The following UBR4 variants were observed in gnomAD, a reference collection of about 807,000 sequenced individuals.
UBR4 encodes the protein ubiquitin protein ligase E3 component n-recognin 4.
In UBR4, 124 loss-of-function variants were observed where a neutral mutation model predicts 575.6. The observed-to-expected ratio is 0.22, with a 90% CI of 0.19 to 0.25. The LOEUF (loss-of-function observed/expected upper bound fraction) is 0.25, where lower values mean the gene tolerates loss of function less well. Ranked by LOEUF, UBR4 falls within the 10% of genes least tolerant of loss-of-function variation. The probability of loss-of-function intolerance (pLI) is 1.00; values close to 1 mark genes in which losing one functional copy is unlikely to be tolerated. For missense variants in UBR4, 4,818 were observed against 6,478.8 expected, an observed-to-expected ratio of 0.74 and a Z score of 8.80; for synonymous variants, 2,455 against 2,473.7, an observed-to-expected ratio of 0.99 and a Z score of 0.22.
At chr1:19,135,668 C>T (rs762265680) in intron 60 of UBR4, among the ~76,000 whole-genome samples, 1 of 151,806 alleles carries the variant, frequency 6.6e-6, no homozygotes, top group East Asian at 1.9e-4. Context: ...TAATTAAGCA[C>T]AAGAAACACA....
At chr1:19,199,860 C>T in intron 2 of UBR4, 106 bp from the exon 3 acceptor site, 1 of 1,090,300 alleles carries the variant, frequency 9.2e-7, no homozygotes. Context: ...AATATCGTAA[C>T]AATTATTCAG....
intron 96 of UBR4, 63 bp from the exon 97 acceptor site, chr1:19,092,981 G>A: frequency 1.4e-6 from 2 of 1,457,182 alleles, no homozygotes; most frequent in South Asian, 1.2e-5. Flanking sequence ...GAAACCAGTT[G>A]TTGACTCTGG....
chr1:19,153,814 T>G lies in UBR4; in HGVS notation c.6584A>C (p.Asp2195Ala). The change falls in exon 45 of 106, where the codon GAC (aspartate) becomes GCC (alanine). Residue 2195 changes from aspartate to alanine, a missense_variant. By Grantham distance (126) the Asp-to-Ala change is moderately radical (BLOSUM62 -2). Transcript: ENST00000375254. The surrounding 1 kb of genome is among the most constrained non-coding windows in gnomAD (Gnocchi z 4.1). ...GVPLVVMVKP[D>A]TFLIQEIKTL... Reference sequence around the variant, plus strand: ...CTTAATCTCCTGGATAAGAAAAGTGTCTGGTTTCACCATAACTACCAGCGG... The same window carrying G: ...CTTAATCTCCTGGATAAGAAAAGTGGCTGGTTTCACCATAACTACCAGCGG... 1 of 1,614,202 alleles carries G rather than the reference T, an allele frequency of 6.2e-7. No individual in the cohort carries two copies. Among genetic ancestry groups the G allele is most frequent in the Non-Finnish European group, 8.5e-7 (1 of 1,180,024 alleles).
chr1:19,194,866 G>A (rs895666070), intron 8 of UBR4, among the ~76,000 whole-genome samples: 1 of 151,762 alleles, frequency 6.6e-6, no homozygotes, highest in Non-Finnish European at 1.5e-5. Flanking sequence ...AGGCACAGTC[G>A]ACTCCAGAGG....
rs970839179 is a variant in UBR4 at position 19,139,921 on chromosome 1, G to A, written c.8594-701C>T. Among the ~76,000 whole-genome samples, 33 of 152,076 alleles carry A rather than the reference G, an allele frequency of 2.2e-4. No homozygotes were observed. Among genetic ancestry groups the A allele is most frequent in the African/African-American group, 7.5e-4 (31 of 41,394 alleles). ...AATGCTGGATGAGATACATGGGGGA[G>A]GAAAGCCAAGACAGCCACAGAGCAC... On this transcript the variant is annotated intron_variant, in intron 58 of 105. Transcript: ENST00000375254. The surrounding 1 kb of genome is among the most constrained non-coding windows in gnomAD (Gnocchi z 4.2).
chr1:19,197,006 T>G, intron 8 of UBR4, 135 bp downstream of exon 8: 1 of 1,077,820 alleles, frequency 9.3e-7, no homozygotes, highest in Non-Finnish European at 1.3e-6. Context: ...CATTTCACCT[T>G]GATGCGACGT....
Position 19,126,485 on chromosome 1 carries a change from T to C in UBR4, c.9399A>G (p.Pro3133=). The part of the protein sequence containing the change: ...QLLKPHTTSS[P]PDMSPFFLRQ... ...GGAGAAAGAATGGGCTCATGTCAGG[T>C]GGGGAGGAGGTAGTATGTGGTTTCA... Residue 3133 remains proline, a synonymous_variant, in exon 64 of 106, where the codon CCA becomes CCG. Coordinates refer to ENST00000375254, the MANE Select transcript of UBR4 (RefSeq NM_020765.3). The C allele has an allele frequency of 6.2e-7, 1 of 1,614,058 alleles. No individual in the cohort carries two copies. Among genetic ancestry groups the C allele is most frequent in the South Asian group, 1.1e-5 (1 of 91,072 alleles).
chr1:19,192,437 G>C, intron 10 of UBR4, 44 bp downstream of exon 10: 1 of 1,614,078 alleles, frequency 6.2e-7, no homozygotes, highest in South Asian at 1.1e-5. Context: ...ATCTCAGAGA[G>C]GACAAGATAG....
intron 11 of UBR4, among the ~76,000 whole-genome samples, 153 bp from the exon 12 acceptor site, chr1:19,187,693 T>C (rs1210839366): frequency 1.3e-5 from 2 of 152,142 alleles, no homozygotes; most frequent in Non-Finnish European, 2.9e-5. Flanking sequence ...TACATCTGCA[T>C]ATAATTTCTG....
At chr1:19,130,474 C>T (rs1340562242) in intron 60 of UBR4, among the ~76,000 whole-genome samples, 1 of 152,160 alleles carries the variant, frequency 6.6e-6, no homozygotes, top group Non-Finnish European at 1.5e-5. Context: ...CATGATCATG[C>T]CACTGCACTC....
In UBR4 at chr1:19,157,899, A is replaced by G. The variant is rs909812843; in HGVS notation, c.5676T>C (p.His1892=). 1.2e-5 allele frequency: 19 copies of G among 1,614,122 alleles called. No individual in the cohort carries two copies. In the East Asian group the frequency reaches 3.8e-4, roughly 32 times the overall value. Residue 1892 remains histidine (H), a synonymous_variant, in exon 40 of 106, where the codon CAT becomes CAC. Transcript: ENST00000375254. The surrounding 1 kb of genome is among the most constrained non-coding windows in gnomAD (Gnocchi z 4.4). ...CACACATAGCCACCCGCCTGAGCACATGAGCACTGATCAGCTGCCGGATGG... is the reference window on the plus strand; with the variant it reads ...CACACATAGCCACCCGCCTGAGCACGTGAGCACTGATCAGCTGCCGGATGG... ...GQTIRQLISA[H]VLRRVAMCVL... is the part of the protein sequence containing the mutation.
At chr1:19,120,392 G>T in intron 68 of UBR4, 44 bp from the exon 69 acceptor site, 1 of 1,596,440 alleles carries the variant, frequency 6.3e-7, no homozygotes. Context: ...GTAGGAAGAA[G>T]TCCTCCAGGG....
chr1:19,198,071 G>A (rs1224044070), intron 5 of UBR4, 22 bp from the exon 6 acceptor site: 10 of 1,606,812 alleles, frequency 6.2e-6, no homozygotes, highest in Non-Finnish European at 8.5e-6. Context: ...CATAAGGCCT[G>A]TCAAGATACT....
In UBR4 at chr1:19,210,180, C is replaced by G. The variant is rs1406001282; in HGVS notation, c.69G>C (p.Ala23=). The G allele has an allele frequency of 6.6e-7, 1 of 1,507,746 alleles. No individual in the cohort carries two copies. The highest frequency in any genetic ancestry group is 8.8e-7 in the Non-Finnish European group (1 of 1,134,256). The allele number at this position is 1,507,746 out of a possible 1,614,324, so 93.4% of individuals were successfully genotyped here. Reference sequence around the variant, plus strand: ...CCACCTCCCAGCCCGGGGTCGTGTCCGCCCCCGTTGCCGGGGTCCCCGGCG... The same window carrying G: ...CCACCTCCCAGCCCGGGGTCGTGTCGGCCCCCGTTGCCGGGGTCCCCGGCG... ...APAPGTPATG[A]DTTPGWEVAV... Residue 23 remains alanine, a synonymous_variant, in exon 1 of 106, where the codon GCG becomes GCC. Transcript: ENST00000375254.
intron 77 of UBR4, 123 bp downstream of exon 77, chr1:19,113,576 T>TAGATTGGGCAGGGAC: frequency 6.9e-7 from 1 of 1,449,836 alleles, no homozygotes; most frequent in African/African-American, 1.4e-5. Flanking sequence ...CCTTTTCAGC[T>TAGATTGGGCAGGGAC]AGATTGGGCA....
In UBR4 at chr1:19,117,223, G is replaced by A. The variant is rs2149407177; in HGVS notation, c.10821C>T (p.Asn3607=). 6.2e-7 allele frequency: 1 copy of A among 1,611,452 alleles called. No homozygotes were observed. Among genetic ancestry groups the A allele is most frequent in the Non-Finnish European group, 8.5e-7 (1 of 1,177,802 alleles). ...CCCGAGGCCTAAAAAGCCCGTACTT[G>A]TTTTTCAACTCCACGATGGCCTGCA... ...RTVQAIVELK[N]KPARWHKAKK... Residue 3607 remains asparagine (N), a splice_region_variant and synonymous_variant, in exon 73 of 106, where the codon AAC becomes AAT. Transcript: ENST00000375254. The surrounding 1 kb of genome is among the most constrained non-coding windows in gnomAD (Gnocchi z 4.0).
At chr1:19,128,872 C>T (rs1247886041) in intron 61 of UBR4, 106 bp downstream of exon 61, 9 of 933,948 alleles carry the variant, frequency 9.6e-6, no homozygotes, top group Non-Finnish European at 1.6e-5. Flanking sequence ...TATTCTGTGG[C>T]CTAACACCAA....
rs57180318 is a variant in UBR4 at position 19,169,083 on chromosome 1, C to G, written c.3741+352G>C. Reference sequence around the variant, plus strand: ...GAGCAGGTTCCTGACATACAACCTACAAAGGAAACAGAGTTAACACGTATT... The same window carrying G: ...GAGCAGGTTCCTGACATACAACCTAGAAAGGAAACAGAGTTAACACGTATT... On this transcript the variant is annotated intron_variant, in intron 27 of 105. Coordinates refer to ENST00000375254, the MANE Select transcript of UBR4 (RefSeq NM_020765.3). Among the ~76,000 whole-genome samples, 6 of 151,986 alleles carry G rather than the reference C, an allele frequency of 3.9e-5. No individual in the cohort carries two copies. In the South Asian group the frequency reaches 1.2e-3, roughly 32 times the overall value.
chr1:19,116,511 G>C lies in UBR4; in HGVS notation c.10823+710C>G, dbSNP rs137901604. ...TGCTGTGGTACATGAGCCTTATTCT[G>C]CCTCTTGGAATAACAGCAATACTTC... On this transcript the variant is annotated intron_variant, in intron 73 of 105. Coordinates refer to ENST00000375254, the MANE Select transcript of UBR4 (RefSeq NM_020765.3). Among the ~76,000 whole-genome samples, 123 of 152,178 alleles carry C rather than the reference G, an allele frequency of 8.1e-4. 1 individual carries two copies. In the East Asian group the frequency reaches 0.022, roughly 28 times the overall value.
Sources: gnomAD v4.1 joint callset for allele counts (sites outside exome capture counted in the v4.1 genomes callset) on GRCh38, gnomAD v4.1.1 for gene constraint, Gnocchi (gnomAD v3.1) non-coding constraint, MANE v1.5 for transcripts, NCBI Gene and HGNC (gene_info 2026-07-23, HGNC 2026-07-21) for gene names.